Variants in LINGO2 observed in about 807,000 individuals in gnomAD.
LINGO2 encodes leucine-rich repeat and immunoglobulin-like domain-containing nogo receptor-interacting protein 2.
In LINGO2, 14 loss-of-function variants were observed where a neutral mutation model predicts 30.6. The observed-to-expected ratio is 0.46, with a 90% confidence interval of 0.30 to 0.72. The LOEUF is 0.72. Among genes scored for constraint, LINGO2 ranks in the 30% least tolerant of loss-of-function variants. LINGO2 has a pLI of 0.07. For missense variants in LINGO2, 729 were observed against 751.7 expected (o/e 0.97, Z 0.35); for synonymous variants, 317 against 288.5 (o/e 1.10, Z -1.00).
chr9:28,477,680 A>G (rs913396346), intron 1 of LINGO2, among the ~76,000 whole-genome samples: 1 of 152,158 alleles, frequency 6.6e-6, no homozygotes, highest in Non-Finnish European at 1.5e-5. Flanking sequence ...ACCATCATCT[A>G]TCCCTTAGAA....
At chr9:28,834,717 T>C in the LINGO2 span, among the ~76,000 whole-genome samples, 1 of 152,306 alleles carries the variant, frequency 6.6e-6, no homozygotes, top group Admixed American at 6.5e-5. Flanking sequence ...AAGATTTTAA[T>C]TTTTTAATGT....
At chr9:28,594,191 T>C (rs887099821) in intron 1 of LINGO2, among the ~76,000 whole-genome samples, 12 of 152,084 alleles carry the variant, frequency 7.9e-5, no homozygotes, top group African/African-American at 2.7e-4. Flanking sequence ...GGAGCACATA[T>C]TGAAAAGACA....
chr9:28,830,903 A>AACAC, the LINGO2 span, among the ~76,000 whole-genome samples: 5 of 152,170 alleles, frequency 3.3e-5, no homozygotes, highest in Admixed American at 3.3e-4. Context: ...CACACACACA[A>AACAC]ACACACACAC....
the LINGO2 span, among the ~76,000 whole-genome samples, chr9:29,024,807 T>C: frequency 6.6e-6 from 1 of 152,174 alleles, no homozygotes; most frequent in Non-Finnish European, 1.5e-5. Flanking sequence ...AGATGTATGC[T>C]GAACAGTAAA....
the LINGO2 span, among the ~76,000 whole-genome samples, chr9:28,967,838 G>A: frequency 2.0e-5 from 3 of 152,160 alleles, no homozygotes; most frequent in African/African-American, 4.8e-5. Context: ...AGCAGAGAGC[G>A]AGAAAGAGAA....
At chr9:28,861,786 C>T in the LINGO2 span, among the ~76,000 whole-genome samples, 2 of 151,364 alleles carry the variant, frequency 1.3e-5, no homozygotes, top group African/African-American at 4.9e-5. Context: ...AAAACCTACA[C>T]TAAAAATTAA....
the LINGO2 span, among the ~76,000 whole-genome samples, chr9:29,203,708 G>A: frequency 1.3e-4 from 20 of 152,240 alleles, no homozygotes; most frequent in Non-Finnish European, 2.4e-4. Context: ...CTTCTGAAGC[G>A]TTTTCTGGTC....
intron 4 of LINGO2, among the ~76,000 whole-genome samples, chr9:28,056,523 C>G (rs1438655115): frequency 1.3e-5 from 2 of 152,090 alleles, no homozygotes; most frequent in Non-Finnish European, 1.5e-5. Flanking sequence ...ACCTTCACAT[C>G]CCAGGGATAC....
chr9:28,313,713 T>G (rs1262568063), intron 3 of LINGO2, among the ~76,000 whole-genome samples: 1 of 152,146 alleles, frequency 6.6e-6, no homozygotes, highest in African/African-American at 2.4e-5. Flanking sequence ...TAAATGAAAT[T>G]AGCATGAAGT....
chr9:29,160,123 A>C, the LINGO2 span, among the ~76,000 whole-genome samples: 1 of 152,194 alleles, frequency 6.6e-6, no homozygotes, highest in Non-Finnish European at 1.5e-5. Flanking sequence ...CTGGGCCCCC[A>C]CCTCTAGAGT....
the LINGO2 span, among the ~76,000 whole-genome samples, chr9:29,135,012 T>A: frequency 6.6e-6 from 1 of 152,152 alleles, no homozygotes; most frequent in Non-Finnish European, 1.5e-5. Flanking sequence ...TAATTTTTTT[T>A]ATTGTTTTAG....
At chr9:28,976,047 CA>C in the LINGO2 span, among the ~76,000 whole-genome samples, 8 of 152,090 alleles carry the variant, frequency 5.3e-5, no homozygotes, top group Non-Finnish European at 8.8e-5. Context: ...TGTTGTCAAA[CA>C]AGAAATTAAA....
At chr9:28,951,914 G>C in the LINGO2 span, among the ~76,000 whole-genome samples, 1 of 152,086 alleles carries the variant, frequency 6.6e-6, no homozygotes, top group South Asian at 2.1e-4. Context: ...CTCAAAAGAA[G>C]ATATTTACAT....
At chr9:29,183,363 G>A in the LINGO2 span, among the ~76,000 whole-genome samples, 1 of 152,180 alleles carries the variant, frequency 6.6e-6, no homozygotes, top group South Asian at 2.1e-4. Flanking sequence ...GAAGCCATGG[G>A]TGGAGACAAC....
At chr9:28,053,578 A>T (rs115208047) in intron 4 of LINGO2, among the ~76,000 whole-genome samples, 3 of 152,094 alleles carry the variant, frequency 2.0e-5, no homozygotes, top group Non-Finnish European at 4.4e-5. Context: ...TAAGGTTTAC[A>T]ATCAAAACAC....
chr9:28,176,727 C>G (rs766788485), intron 4 of LINGO2, among the ~76,000 whole-genome samples: 32 of 152,120 alleles, frequency 2.1e-4, no homozygotes, highest in Non-Finnish European at 4.0e-4. Context: ...GCTCAGCACA[C>G]CAAAGACTCA....
the LINGO2 span, among the ~76,000 whole-genome samples, chr9:28,887,141 C>T: frequency 6.6e-6 from 1 of 152,090 alleles, no homozygotes; most frequent in East Asian, 1.9e-4. Context: ...GCTATACAAA[C>T]ACGCTTGTCA....
chr9:28,779,764 C>T, the LINGO2 span, among the ~76,000 whole-genome samples: 1 of 152,074 alleles, frequency 6.6e-6, no homozygotes, highest in South Asian at 2.1e-4. Flanking sequence ...TATTTTCACT[C>T]AAATATGCTT....
chr9:28,092,648 T>C (rs1048920880), intron 4 of LINGO2, among the ~76,000 whole-genome samples: 1 of 151,938 alleles, frequency 6.6e-6, no homozygotes, highest in Non-Finnish European at 1.5e-5. Context: ...TATACGTATG[T>C]AACAAACCTG....
Sources: gnomAD v4.1 joint callset for allele counts (sites outside exome capture counted in the v4.1 genomes callset) on GRCh38, gnomAD v4.1.1 for gene constraint, MANE v1.5 for transcripts, NCBI Gene and HGNC (gene_info 2026-07-23, HGNC 2026-07-21) for gene names.